ANKRD36C: variants seen among roughly 807,000 people sequenced by gnomAD.
ANKRD36C encodes the protein ankyrin repeat domain 36C.
A neutral mutation model predicts 276.4 loss-of-function variants in ANKRD36C; 61 were observed. The observed-to-expected ratio is 0.22, with a 90% CI of 0.18 to 0.27. ANKRD36C has a LOEUF of 0.27. Ranked by LOEUF, ANKRD36C falls within the 10% of genes least tolerant of loss-of-function variation. The pLI is 1.00. For missense variants in ANKRD36C, 1,447 were observed against 2,032.3 expected (o/e 0.71, Z 5.54); for synonymous variants, 483 against 680.1 (o/e 0.71, Z 4.51).
intron 34 of ANKRD36C, among the ~76,000 whole-genome samples, chr2:95,920,735 T>G (rs1471864337): frequency 3.5e-5 from 5 of 143,368 alleles, no homozygotes; most frequent in African/African-American, 7.7e-5. Flanking sequence ...ATTTTAGGAG[T>G]TAATTAGAAT....
chr2:95,863,882 T>A (rs1198302795), intron 60 of ANKRD36C, among the ~76,000 whole-genome samples: 1 of 152,000 alleles, frequency 6.6e-6, no homozygotes, highest in Admixed American at 6.6e-5. Flanking sequence ...GTCAAAATAA[T>A]TTATATAACA....
intron 44 of ANKRD36C, among the ~76,000 whole-genome samples, chr2:95,896,473 A>G (rs1412370645): frequency 2.0e-5 from 3 of 150,028 alleles, no homozygotes; most frequent in Non-Finnish European, 1.5e-5. Context: ...TATTCTCTAA[A>G]GAAGTCTCAT....
intron 28 of ANKRD36C, 95 bp downstream of exon 28, chr2:95,927,119 C>A: frequency 6.6e-7 from 1 of 1,522,664 alleles, no homozygotes; most frequent in Non-Finnish European, 9.0e-7. Flanking sequence ...TCAGAATGTG[C>A]AGCTTCAATG....
At chr2:95,951,370 A>C in exon 15 of ANKRD36C, 2 of 1,500,826 alleles carry the variant, frequency 1.3e-6, no homozygotes, top group Non-Finnish European at 1.8e-6. Flanking sequence ...ATCGTGGAGA[A>C]ATAATCTTTC....
intron 45 of ANKRD36C, 36 bp from the exon 66 acceptor site, chr2:95,891,773 A>G: frequency 6.4e-7 from 1 of 1,562,142 alleles, no homozygotes. Flanking sequence ...TAAATTAATA[A>G]AGTATGTTTC....
chr2:95,879,126 A>T (rs1676018972), intron 58 of ANKRD36C, among the ~76,000 whole-genome samples: 1 of 152,236 alleles, frequency 6.6e-6, no homozygotes, highest in South Asian at 2.1e-4. Flanking sequence ...CATATGAAAG[A>T]ATAAGATCCT....
intron 40 of ANKRD36C, 130 bp downstream of exon 42, chr2:95,913,978 G>A (rs1286617817): frequency 3.9e-6 from 4 of 1,021,332 alleles, no homozygotes; most frequent in Admixed American, 5.3e-5. Flanking sequence ...GAACTTATTT[G>A]AAATGAAGAA....
At chr2:95,984,128 TATAAA>T (rs1226920272) in intron 3 of ANKRD36C, among the ~76,000 whole-genome samples, 1 of 152,006 alleles carries the variant, frequency 6.6e-6, no homozygotes, top group Non-Finnish European at 1.5e-5. Flanking sequence ...AAAGGATTTA[TATAAA>T]ATATAGACTC....
intron 6 of ANKRD36C, among the ~76,000 whole-genome samples, chr2:95,973,780 A>G (rs2438929): frequency 2.0e-5 from 3 of 152,290 alleles, no homozygotes; most frequent in East Asian, 1.9e-4. Context: ...GATGGCTCGT[A>G]ACTATAATTC....
At chr2:95,921,935 T>C (rs1179313468) in intron 32 of ANKRD36C, 125 bp from the exon 33 acceptor site, 1 of 1,060,062 alleles carries the variant, frequency 9.4e-7, no homozygotes, top group African/African-American at 1.6e-5. Context: ...TTTTCTACTT[T>C]ATGTCTTAAG....
chr2:95,975,522 G>A (rs934235673), intron 6 of ANKRD36C, among the ~76,000 whole-genome samples: 5 of 152,116 alleles, frequency 3.3e-5, no homozygotes, highest in Non-Finnish European at 7.4e-5. Flanking sequence ...AACAAGCAAT[G>A]GGGAAAGGAT....
chr2:95,985,787 T>C (rs1032233266), intron 3 of ANKRD36C, among the ~76,000 whole-genome samples: 6 of 152,268 alleles, frequency 3.9e-5, no homozygotes, highest in Admixed American at 1.3e-4. Context: ...CACTGAAAAC[T>C]TCATTTACTT....
chr2:95,982,404 A>G (rs1558664523), intron 3 of ANKRD36C, 42 bp from the exon 4 acceptor site: 2 of 1,457,474 alleles, frequency 1.4e-6, no homozygotes, highest in East Asian at 5.0e-5. Context: ...AAAATTACAT[A>G]TTTATCAACT....
chr2:95,923,847 A>C (rs1677340009), intron 30 of ANKRD36C, among the ~76,000 whole-genome samples, 158 bp from the exon 31 acceptor site: 1 of 151,494 alleles, frequency 6.6e-6, no homozygotes, highest in South Asian at 2.1e-4. Flanking sequence ...AAATACACTG[A>C]AAAAAAAGAA....
At chr2:95,972,428 C>G (rs1350142748) in intron 6 of ANKRD36C, among the ~76,000 whole-genome samples, 1 of 152,202 alleles carries the variant, frequency 6.6e-6, no homozygotes, top group Non-Finnish European at 1.5e-5. Context: ...TCAGCACATC[C>G]TGGTAACTCC....
At chr2:95,937,162 C>A (rs1677740904) in intron 22 of ANKRD36C, among the ~76,000 whole-genome samples, 1 of 152,306 alleles carries the variant, frequency 6.6e-6, no homozygotes, top group African/African-American at 2.4e-5. Context: ...ACACATTACA[C>A]CATTATGTGT....
intron 3 of ANKRD36C, among the ~76,000 whole-genome samples, chr2:95,984,462 C>T (rs1331409676): frequency 1.3e-5 from 2 of 152,200 alleles, no homozygotes; most frequent in Non-Finnish European, 2.9e-5. Flanking sequence ...CTAAACACAT[C>T]TATGGGACAC....
At chr2:95,967,789 T>TA (rs963126043) in intron 6 of ANKRD36C, among the ~76,000 whole-genome samples, 36 of 151,216 alleles carry the variant, frequency 2.4e-4, no homozygotes, top group Non-Finnish European at 2.4e-4. Context: ...GACTCTTTAT[T>TA]AAAAAAAAAT....
intron 38 of ANKRD36C, among the ~76,000 whole-genome samples, chr2:95,914,888 A>G (rs1018439123): frequency 9.2e-5 from 14 of 151,512 alleles, no homozygotes; most frequent in African/African-American, 3.1e-4. Context: ...TCTCACACCC[A>G]TGTGGTGTAA....
Sources: gnomAD v4.1 joint callset for allele counts (sites outside exome capture counted in the v4.1 genomes callset) on GRCh38, gnomAD v4.1.1 for gene constraint, MANE v1.5 for transcripts, NCBI Gene and HGNC (gene_info 2026-07-23, HGNC 2026-07-21) for gene names.